MITF: variants seen among roughly 807,000 people sequenced by gnomAD.
MITF encodes the protein microphthalmia-associated transcription factor.
In MITF, 17 loss-of-function variants were observed where a neutral mutation model predicts 60.5. The observed-to-expected ratio is 0.28, with a 90% CI of 0.19 to 0.42. The LOEUF is 0.42. MITF is among the 10% of genes least tolerant of loss of function. MITF has a pLI of 1.00. For missense variants in MITF, 622 were observed against 683.5 expected, an observed-to-expected ratio of 0.91 and a Z score of 1.00; for synonymous variants, 260 against 248.5, an observed-to-expected ratio of 1.05 and a Z score of -0.43.
intron 1 of MITF, among the ~76,000 whole-genome samples, chr3:69,792,449 A>AT (rs71126460): frequency 2.3e-4 from 34 of 148,696 alleles, no homozygotes; most frequent in East Asian, 4.0e-4. Context: ...TCATTATATG[A>AT]TTTTTTTTTT....
intron 2 of MITF, chr3:69,936,553 T>C: frequency 6.9e-7 from 1 of 1,442,606 alleles, no homozygotes; most frequent in Non-Finnish European, 9.1e-7. Context: ...ACTAATTAGC[T>C]TAGGTTATTA....
chr3:69,779,596 G>A (rs551149933), intron 1 of MITF, among the ~76,000 whole-genome samples: 16 of 152,188 alleles, frequency 1.1e-4, no homozygotes, highest in South Asian at 4.2e-4. Context: ...CTGGCTGAGC[G>A]AGCTTGAACT....
intron 1 of MITF, among the ~76,000 whole-genome samples, chr3:69,828,120 G>A (rs925098071): frequency 2.0e-5 from 3 of 151,390 alleles, no homozygotes; most frequent in Non-Finnish European, 2.9e-5. Flanking sequence ...AGTCAGTATT[G>A]ACACCATGTT....
chr3:69,862,162 C>T (rs2064028086), intron 1 of MITF, among the ~76,000 whole-genome samples: 1 of 152,056 alleles, frequency 6.6e-6, no homozygotes, highest in African/African-American at 2.4e-5. Context: ...AAACCATACC[C>T]CTGCAGAATC....
intron 7 of MITF, among the ~76,000 whole-genome samples, chr3:69,952,239 G>C (rs2066274764): frequency 6.6e-6 from 1 of 151,998 alleles, no homozygotes; most frequent in African/African-American, 2.4e-5. Flanking sequence ...AACAAAAGGG[G>C]ATTAGGGAAG....
At chr3:69,826,467 T>A (rs2063356469) in intron 1 of MITF, among the ~76,000 whole-genome samples, 1 of 152,216 alleles carries the variant, frequency 6.6e-6, no homozygotes, top group African/African-American at 2.4e-5. Context: ...ATTCTACTGT[T>A]GATGGATATT....
intron 8 of MITF, 77 bp downstream of exon 8, chr3:69,956,607 A>T (rs2066405287): frequency 7.9e-7 from 1 of 1,260,346 alleles, no homozygotes; most frequent in African/African-American, 1.5e-5. Flanking sequence ...TAAAAAATGC[A>T]GTTGTAAAAA....
rs756658674 is a variant in MITF, at chr3:69,879,286, T to C, written c.257T>C (p.Met86Thr). The change falls in exon 2 of 10, where the codon ATG becomes ACG. Residue 86 changes from methionine (M) to threonine (T), a missense_variant. Met to Thr is a moderately conservative substitution (Grantham distance 81, BLOSUM62 -1). Transcript: ENST00000352241. ...QQQKLQAAQF[M>T]QQRVPVSQTP... ...CAGAAGCTGCAGGCGGCCCAGTTCA[T>C]GCAACAGAGAGTGCCCGTGAGTCAG... is the stretch of plus-strand genomic sequence containing the variant. 1 of 1,614,176 alleles carries C rather than the reference T, an allele frequency of 6.2e-7. No individual in the cohort carries two copies. The highest frequency in any genetic ancestry group is 8.5e-7 in the Non-Finnish European group (1 of 1,180,036).
chr3:69,932,668 A>T (rs998538929), intron 2 of MITF, among the ~76,000 whole-genome samples: 1 of 152,146 alleles, frequency 6.6e-6, no homozygotes. Flanking sequence ...AAACAAGATT[A>T]TATGTCCAAG....
intron 2 of MITF, among the ~76,000 whole-genome samples, chr3:69,888,666 C>T (rs1217267721): frequency 6.6e-6 from 1 of 152,056 alleles, no homozygotes; most frequent in Non-Finnish European, 1.5e-5. Context: ...ATAATGCCTG[C>T]TGATTTATTA....
At chr3:69,790,257 C>T (rs944826899) in intron 1 of MITF, among the ~76,000 whole-genome samples, 3 of 152,012 alleles carry the variant, frequency 2.0e-5, no homozygotes, top group Non-Finnish European at 2.9e-5. Context: ...TATGAATCCA[C>T]TTACATGAGG....
chr3:69,794,713 G>T (rs2062800068), intron 1 of MITF, among the ~76,000 whole-genome samples: 1 of 152,188 alleles, frequency 6.6e-6, no homozygotes, highest in African/African-American at 2.4e-5. Flanking sequence ...CCCAGGTCAA[G>T]AATTAGGACA....
intron 1 of MITF, among the ~76,000 whole-genome samples, chr3:69,746,088 C>G (rs1011396726): frequency 6.6e-6 from 1 of 152,136 alleles, no homozygotes; most frequent in South Asian, 2.1e-4. Context: ...TATGCAGATT[C>G]GTTTTGTGGT....
chr3:69,790,076 A>C (rs1258897218), intron 1 of MITF, among the ~76,000 whole-genome samples: 1 of 152,208 alleles, frequency 6.6e-6, no homozygotes, highest in Non-Finnish European at 1.5e-5. Flanking sequence ...CATACAATGG[A>C]GTATTATTCA....
intron 1 of MITF, among the ~76,000 whole-genome samples, chr3:69,852,499 G>C (rs928131491): frequency 6.6e-6 from 1 of 152,184 alleles, no homozygotes; most frequent in African/African-American, 2.4e-5. Context: ...GTATGTAGCA[G>C]TAGTTCATTC....
chr3:69,906,732 CT>C (rs1338037524), intron 2 of MITF, among the ~76,000 whole-genome samples: 3 of 152,090 alleles, frequency 2.0e-5, no homozygotes, highest in Non-Finnish European at 4.4e-5. Context: ...CTGGTAGATT[CT>C]GAAGTGGATT....
At chr3:69,828,705 G>T (rs953863900) in intron 1 of MITF, among the ~76,000 whole-genome samples, 2 of 152,006 alleles carry the variant, frequency 1.3e-5, no homozygotes, top group Non-Finnish European at 2.9e-5. Context: ...GTTATAAAAT[G>T]AGTGATAATC....
chr3:69,766,436 A>C (rs1225802667), intron 1 of MITF, among the ~76,000 whole-genome samples: 2 of 132,242 alleles, frequency 1.5e-5, no homozygotes, highest in Non-Finnish European at 3.1e-5. Context: ...CATGTTGGCC[A>C]GGCTGGTCTT....
At chr3:69,796,733 C>T (rs2062837731) in intron 1 of MITF, among the ~76,000 whole-genome samples, 1 of 150,010 alleles carries the variant, frequency 6.7e-6, no homozygotes, top group African/African-American at 2.5e-5. Context: ...GTCTCGATCT[C>T]CTGACCTCAT....
Sources: gnomAD v4.1 joint callset for allele counts (sites outside exome capture counted in the v4.1 genomes callset) on GRCh38, gnomAD v4.1.1 for gene constraint, MANE v1.5 for transcripts, NCBI Gene and HGNC (gene_info 2026-07-23, HGNC 2026-07-21) for gene names.